Variants in PHF24 observed in about 807,000 individuals in gnomAD.
PHF24 encodes the protein PHD finger protein 24.
In PHF24, 25 loss-of-function variants were observed where a neutral mutation model predicts 42.6. The ratio of observed to expected loss-of-function variants is 0.59; its 90% CI spans 0.43 to 0.82. The LOEUF (loss-of-function observed/expected upper bound fraction) is 0.82, where lower values mean the gene tolerates loss of function less well. Among genes scored for constraint, PHF24 ranks in the 40% least tolerant of loss-of-function variants. The probability of loss-of-function intolerance (pLI) is 0.00; values close to 1 mark genes in which losing one functional copy is unlikely to be tolerated. For synonymous variants in PHF24, 185 were observed against 204.8 expected (o/e 0.90, Z 0.83); for missense variants, 470 against 538.1 (o/e 0.87, Z 1.25).
the PHF24 span, among the ~76,000 whole-genome samples, chr9:34,846,319 T>C: frequency 6.6e-6 from 1 of 152,084 alleles, no homozygotes; most frequent in African/African-American, 2.4e-5. Flanking sequence ...TATCTCATTG[T>C]GGTTTTGATT....
the PHF24 span, among the ~76,000 whole-genome samples, chr9:34,870,557 A>G: frequency 2.8e-5 from 4 of 140,842 alleles, no homozygotes; most frequent in African/African-American, 5.2e-5. Flanking sequence ...ACTTAGCAGT[A>G]TGTATTTAAG....
the PHF24 span, among the ~76,000 whole-genome samples, chr9:34,743,853 G>A: frequency 1.3e-5 from 2 of 152,128 alleles, no homozygotes; most frequent in Admixed American, 1.3e-4. Flanking sequence ...CTCAGTTCTA[G>A]AGGCTGGGAA....
the PHF24 span, chr9:34,917,634 G>C: frequency 1.3e-6 from 1 of 776,708 alleles, no homozygotes; most frequent in Non-Finnish European, 2.4e-6. Context: ...CCTTCCAGTG[G>C]CTTCCCGGGG....
the PHF24 span, chr9:34,835,727 C>T: frequency 6.4e-7 from 1 of 1,551,206 alleles, no homozygotes; most frequent in Non-Finnish European, 8.7e-7. Flanking sequence ...TGTATGCCAT[C>T]TGCATACGTT....
the PHF24 span, among the ~76,000 whole-genome samples, chr9:34,897,408 TAG>T: frequency 6.6e-6 from 1 of 152,064 alleles, no homozygotes; most frequent in Admixed American, 6.5e-5. Flanking sequence ...AAGGGGGAAA[TAG>T]AGTGTTATTG....
the PHF24 span, among the ~76,000 whole-genome samples, chr9:34,748,212 C>T: frequency 6.6e-6 from 1 of 152,110 alleles, no homozygotes; most frequent in African/African-American, 2.4e-5. Context: ...TCCCTTTGTG[C>T]TAATTCATCA....
chr9:34,691,090 C>G, the PHF24 span: 1 of 1,608,550 alleles, frequency 6.2e-7, no homozygotes, highest in Non-Finnish European at 8.5e-7. Flanking sequence ...TTCAGCCTTA[C>G]CTGGGGAAGT....
At chr9:34,895,449 T>A in the PHF24 span, 398 of 397,372 alleles carry the variant, frequency 1.0e-3, 1 homozygote, top group Middle Eastern at 6.9e-3. Context: ...TCACCCAAAT[T>A]GGGAGCTCTT....
chr9:34,874,919 A>C, the PHF24 span, among the ~76,000 whole-genome samples: 1 of 152,208 alleles, frequency 6.6e-6, no homozygotes, highest in Admixed American at 6.6e-5. Context: ...AGAATGGGGC[A>C]TCTGTCCCCT....
the PHF24 span, among the ~76,000 whole-genome samples, chr9:34,814,391 A>G: frequency 6.6e-6 from 1 of 152,212 alleles, no homozygotes; most frequent in African/African-American, 2.4e-5. Flanking sequence ...TCTCAGCGTT[A>G]TATTTACAAC....
the PHF24 span, among the ~76,000 whole-genome samples, chr9:34,760,729 C>A: frequency 1.3e-5 from 2 of 152,246 alleles, no homozygotes; most frequent in Non-Finnish European, 2.9e-5. Context: ...CGGGGGCTCA[C>A]GCCTGAAAGC....
At chr9:34,729,470 C>T in the PHF24 span, 250 of 1,521,914 alleles carry the variant, frequency 1.6e-4, no homozygotes, top group African/African-American at 2.6e-3. Context: ...CCCTCTATCT[C>T]GGAATTCAGG....
the PHF24 span, among the ~76,000 whole-genome samples, chr9:34,872,321 G>A: frequency 6.8e-6 from 1 of 147,382 alleles, no homozygotes; most frequent in Admixed American, 6.7e-5. Context: ...TCTTCATCTA[G>A]CATTAGGTAT....
the PHF24 span, among the ~76,000 whole-genome samples, chr9:34,947,567 T>C: frequency 2.0e-5 from 3 of 152,090 alleles, no homozygotes; most frequent in Non-Finnish European, 4.4e-5. Context: ...TTAAAAAAAA[T>C]AGTTAACTGT....
chr9:34,915,008 A>C, the PHF24 span, among the ~76,000 whole-genome samples: 1 of 127,546 alleles, frequency 7.8e-6, no homozygotes, highest in African/African-American at 3.0e-5. Context: ...CCAGGTTGAC[A>C]CATTTCTTTT....
At chr9:34,685,691 A>G in the PHF24 span, among the ~76,000 whole-genome samples, 1 of 152,174 alleles carries the variant, frequency 6.6e-6, no homozygotes, top group Non-Finnish European at 1.5e-5. Flanking sequence ...TATACATAGA[A>G]TGGTACTAAT....
chr9:34,852,336 TG>T, the PHF24 span, among the ~76,000 whole-genome samples: 2 of 152,168 alleles, frequency 1.3e-5, no homozygotes, highest in Non-Finnish European at 2.9e-5. Flanking sequence ...TTCAACTGCA[TG>T]GGGGGGTCAG....
the PHF24 span, among the ~76,000 whole-genome samples, chr9:34,677,389 G>GTTTTTTTTTTTT: frequency 3.3e-4 from 26 of 79,772 alleles, 3 homozygotes; most frequent in African/African-American, 8.6e-4. Context: ...TTTGTAAACT[G>GTTTTTTTTTTTT]TTTTTTTTTT....
At chr9:34,880,863 G>A in the PHF24 span, among the ~76,000 whole-genome samples, 1 of 152,128 alleles carries the variant, frequency 6.6e-6, no homozygotes, top group Non-Finnish European at 1.5e-5. Context: ...AGACCTAATA[G>A]ATATCTACAG....
Sources: gnomAD v4.1 joint callset for allele counts (sites outside exome capture counted in the v4.1 genomes callset) on GRCh38, gnomAD v4.1.1 for gene constraint, MANE v1.5 for transcripts, NCBI Gene and HGNC (gene_info 2026-07-23, HGNC 2026-07-21) for gene names.